The following SPEG variants were observed in gnomAD, a reference collection of about 807,000 sequenced individuals.
SPEG encodes the protein striated muscle enriched protein kinase.
SPEG carries 114 observed loss-of-function variants against 300.4 expected under a neutral mutation model. That is an observed-to-expected ratio of 0.38 (90% CI 0.33 to 0.44). SPEG has a LOEUF of 0.44. Ranked by LOEUF, SPEG falls within the 20% of genes least tolerant of loss-of-function variation. The pLI is 1.00. For missense variants in SPEG, 4,201 were observed against 4,586.2 expected (o/e 0.92, Z 2.43); for synonymous variants, 1,964 against 2,018.9 (o/e 0.97, Z 0.73).
chr2:219,455,738 G>A (rs1690128317), intron 6 of SPEG, among the ~76,000 whole-genome samples: 1 of 152,216 alleles, frequency 6.6e-6, no homozygotes, highest in African/African-American at 2.4e-5. Flanking sequence ...TCCGACTGGG[G>A]GCTTTCTCTT....
At chr2:219,474,210 T>A (rs1041080547) in intron 18 of SPEG, 1 of 233,496 alleles carries the variant, frequency 4.3e-6, no homozygotes, top group African/African-American at 2.2e-5. Flanking sequence ...AAACCCCATC[T>A]CTACTAAAAA....
chr2:219,468,403 C>T lies in SPEG; in HGVS notation c.3143-175C>T, dbSNP rs531054597. On this transcript the variant is annotated intron_variant, in intron 10 of 40. Transcript: ENST00000312358. ...TGCACCCACCCTTGCTGACCTCCACCCTCTCGAGGTCTAGTCTCTGGATCT... is the reference window on the plus strand; with the variant it reads ...TGCACCCACCCTTGCTGACCTCCACTCTCTCGAGGTCTAGTCTCTGGATCT... Among the ~76,000 whole-genome samples the T allele has an allele frequency of 1.5e-4, 23 of 152,294 alleles. 2 individuals are homozygous for T. Among genetic ancestry groups the T allele is most frequent in the African/African-American group, 5.5e-4 (23 of 41,566 alleles).
intron 6 of SPEG, 71 bp from the exon 7 acceptor site, chr2:219,461,811 G>C: frequency 1.3e-6 from 2 of 1,509,748 alleles, no homozygotes; most frequent in Non-Finnish European, 1.8e-6. Context: ...GGCTCTGGGC[G>C]ACATTCCAGC....
rs1305354646 is a variant in SPEG at position 219,493,013 on chromosome 2, C to G, written c.*227C>G. On this transcript the variant is annotated 3_prime_UTR_variant, in exon 41 of 41. Coordinates refer to ENST00000312358, the MANE Select transcript of SPEG (RefSeq NM_005876.5). ...GAGTGGGAGACCCATTGGTCAGGCT[C>G]AGCAGGGTGGGAACAGGCAGAGGGA... 1.4e-6 allele frequency: 1 copy of G among 701,716 alleles called. No homozygotes were observed. Among genetic ancestry groups the G allele is most frequent in the Non-Finnish European group, 2.6e-6 (1 of 385,634 alleles). The allele number at this position is 701,716 out of a possible 1,614,324, so 43.5% of individuals were successfully genotyped here. A position where few individuals can be genotyped will look rare whatever the true frequency, so the allele number is the denominator to read the frequency against.
intron 13 of SPEG, among the ~76,000 whole-genome samples, chr2:219,471,298 C>G (rs968941751): frequency 6.6e-6 from 1 of 152,122 alleles, no homozygotes; most frequent in Non-Finnish European, 1.5e-5. Flanking sequence ...CTCGGTGTCT[C>G]GTTCAGGGGC....
At position 219,443,044 on chromosome 2, in the gene SPEG, G is replaced by A; in HGVS notation, c.389-1609G>A. On this transcript the variant is annotated intron_variant, in intron 1 of 40. Coordinates refer to ENST00000312358, the MANE Select transcript of SPEG (RefSeq NM_005876.5). The surrounding 1 kb of genome is among the most constrained non-coding windows in gnomAD (Gnocchi z 4.6). ...TGCTTGATGTTGCAGGTCTGGATGG[G>A]AGGCACAGGGACCTTAGGAACAAGC... is the stretch of plus-strand genomic sequence containing the variant. 2.9e-6 allele frequency: 4 copies of A among 1,367,180 alleles called. No homozygotes were observed. The highest frequency in any genetic ancestry group is 1.2e-5 in the South Asian group (1 of 80,722). 84.7% of individuals were successfully genotyped at this position (1,367,180 alleles called of 1,614,324 possible).
Position 219,488,521 on chromosome 2 carries a change from C to G in SPEG, c.7882C>G (p.Pro2628Ala), listed in dbSNP as rs1463376369. ...MKDKKSLRSE[P>A]SVIIVSCKDG... Reference sequence around the variant, plus strand: ...AGACAAGAAGTCCTTGAGGTCAGAGCCCTCAGTGATCATCGTGTCCTGCAA... The same window carrying G: ...AGACAAGAAGTCCTTGAGGTCAGAGGCCTCAGTGATCATCGTGTCCTGCAA... The change falls in exon 33 of 41, where the codon CCC becomes GCC. Residue 2628 changes from proline to alanine, a missense_variant. By Grantham distance (27) the Pro-to-Ala change is conservative. Coordinates refer to ENST00000312358, the MANE Select transcript of SPEG (RefSeq NM_005876.5). 4.4e-6 allele frequency: 7 copies of G among 1,589,206 alleles called. No homozygotes were observed. Among genetic ancestry groups the G allele is most frequent in the African/African-American group, 1.3e-5 (1 of 74,124 alleles).
rs1694003828 is a variant in SPEG, at chr2:219,491,877, T to TC, written c.9461+12dup. 1 of 1,588,536 alleles carries TC rather than the reference T, an allele frequency of 6.3e-7. No individual in the cohort carries two copies. The highest frequency in any genetic ancestry group is 8.6e-7 in the Non-Finnish European group (1 of 1,163,390). On this transcript the variant is annotated intron_variant, in intron 39 of 40. Transcript: ENST00000312358. Reference sequence around the variant, plus strand: ...TGTGCTCACTTACATTATGTGAGTGTCCCCTACCCCACCGCAGCCCTCTCT... The same window carrying TC: ...TGTGCTCACTTACATTATGTGAGTGTCCCCCTACCCCACCGCAGCCCTCTCT...
At chr2:219,486,413 CGA>C (rs1311997350) in intron 31 of SPEG, among the ~76,000 whole-genome samples, 2 of 152,110 alleles carry the variant, frequency 1.3e-5, no homozygotes, top group East Asian at 3.9e-4. Flanking sequence ...GAGTGGCTGT[CGA>C]GTCTTGCCTC....
chr2:219,486,773 C>T (rs1017045924), intron 31 of SPEG, among the ~76,000 whole-genome samples: 16 of 152,114 alleles, frequency 1.1e-4, no homozygotes, highest in African/African-American at 3.6e-4. Context: ...GGGCTGGGCC[C>T]GGGTCACTTT....
At chr2:219,486,388 G>C (rs1314045295) in intron 31 of SPEG, among the ~76,000 whole-genome samples, 1 of 152,230 alleles carries the variant, frequency 6.6e-6, no homozygotes, top group Admixed American at 6.5e-5. Context: ...CCATTTCCTG[G>C]TAAAACTCAG....
rs368200977 is a variant in SPEG at position 219,468,876 on chromosome 2, A to G, written c.3319A>G (p.Ser1107Gly). Residue 1107 changes from serine (S) to glycine (G), a missense_variant, in exon 12 of 41, where the codon AGT (serine) becomes GGT (glycine). This residue lies in a region of SPEG where 1,047 missense variants were observed against 1,356.8 expected (regional missense o/e 0.77). Transcript: ENST00000312358. ...TTCTGCAGGCTGCCCCATGGAGGAG[A>G]GTGAGAACTTGCGGCTGCGGCAGGA... Reference protein sequence around the residue: ...WTHFGCPMEESENLRLRQDGG... With the variant: ...WTHFGCPMEEGENLRLRQDGG... 2.3e-5 allele frequency: 37 copies of G among 1,613,008 alleles called. No homozygotes were observed. Among genetic ancestry groups the G allele is most frequent in the Admixed American group, 5.0e-5 (3 of 59,918 alleles).
In SPEG at chr2:219,477,598, C is replaced by G. The variant is rs1692466413; in HGVS notation, c.4730-91C>G. 7.2e-7 allele frequency: 1 copy of G among 1,386,296 alleles called. No homozygotes were observed. Among genetic ancestry groups the G allele is most frequent in the Non-Finnish European group, 9.8e-7 (1 of 1,015,686 alleles). 85.9% of individuals were successfully genotyped at this position (1,386,296 alleles called of 1,614,324 possible). A position where few individuals can be genotyped will look rare whatever the true frequency, so the allele number is the denominator to read the frequency against. On this transcript the variant is annotated intron_variant, in intron 20 of 40. Coordinates refer to ENST00000312358, the MANE Select transcript of SPEG (RefSeq NM_005876.5). This position sits in a 1 kb window ranked among gnomAD's most constrained non-coding sequence, Gnocchi z 6.4. ...TTGAGCCCCCAACATTCTTGCACCT[C>G]TTCTCTCTTCTTCTTCTGTCCACCT...
chr2:219,488,909 G>A lies in SPEG; in HGVS notation c.8149+9G>A, dbSNP rs1014609619. The A allele has an allele frequency of 3.8e-6, 6 of 1,583,704 alleles. No homozygotes were observed. In the African/African-American group the frequency reaches 8.1e-5, roughly 21 times the overall value. On this transcript the variant is annotated intron_variant, in intron 34 of 40. Transcript: ENST00000312358. ...GGAGCGGCGAGTGGATGGTGAGGATGGGGCAGCTGGAGGGTTGGGGGAGCG... is the reference window on the plus strand; with the variant it reads ...GGAGCGGCGAGTGGATGGTGAGGATAGGGCAGCTGGAGGGTTGGGGGAGCG...
At position 219,467,260 on chromosome 2, in the gene SPEG, C is replaced by T; in HGVS notation, c.2968C>T (p.Leu990=). ...CGGGGAGATGGCGCTGTTTGAGTGC[C>T]TGGTGGCGGGGCCCACTGACGTGGA... ...GAGEMALFEC[L]VAGPTDVEVD... Residue 990 remains leucine (L), a synonymous_variant, in exon 10 of 41, where the codon CTG becomes TTG. Transcript: ENST00000312358. The T allele has an allele frequency of 6.2e-7, 1 of 1,608,468 alleles. No individual in the cohort carries two copies. Among genetic ancestry groups the T allele is most frequent in the Non-Finnish European group, 8.5e-7 (1 of 1,178,832 alleles).
Position 219,451,004 on chromosome 2 carries a change from C to T in SPEG, c.2114-132C>T. 1.1e-6 allele frequency: 1 copy of T among 906,296 alleles called. No homozygotes were observed. The highest frequency in any genetic ancestry group is 1.6e-6 in the Non-Finnish European group (1 of 621,504). 56.1% of individuals were successfully genotyped at this position (906,296 alleles called of 1,614,324 possible). A position where few individuals can be genotyped will look rare whatever the true frequency, so the allele number is the denominator to read the frequency against. On this transcript the variant is annotated intron_variant, in intron 4 of 40. Transcript: ENST00000312358. This position sits in a 1 kb window ranked among gnomAD's most constrained non-coding sequence, Gnocchi z 6.4. ...TTCAGGAGGCAGACCCTCTTCTCCC[C>T]AAGTCCCTGCTTTCTAGAAGCCCCT...
rs1400367112 is a variant in SPEG at position 219,477,813 on chromosome 2, G to T, written c.4826+28G>T. The T allele has an allele frequency of 1.3e-6, 2 of 1,595,702 alleles. No homozygotes were observed. The highest frequency in any genetic ancestry group is 1.7e-6 in the Non-Finnish European group (2 of 1,167,476). On this transcript the variant is annotated intron_variant, in intron 21 of 40. Transcript: ENST00000312358. The surrounding 1 kb of genome is among the most constrained non-coding windows in gnomAD (Gnocchi z 6.4). ...GTGGGGCTAGGAGGGAAGCCAGTGGGGGCCGAGAGAGGCTGCTGGGTCTGA... is the reference window on the plus strand; with the variant it reads ...GTGGGGCTAGGAGGGAAGCCAGTGGTGGCCGAGAGAGGCTGCTGGGTCTGA...
At chr2:219,468,812 G>A (rs976405666) in intron 11 of SPEG, 47 bp from the exon 12 acceptor site, 3 of 1,607,010 alleles carry the variant, frequency 1.9e-6, no homozygotes, top group Non-Finnish European at 1.7e-6. Context: ...CAGAGGGCAG[G>A]GCCCCTCACT....
chr2:219,480,366 C>G lies in SPEG; in HGVS notation c.5342+226C>G, dbSNP rs1258194017. ...CCTGTTAGTCCTTGACTCCTTGTCT[C>G]CCCTGGAAGCCGGGCCTTCCCCTCA... is the stretch of plus-strand genomic sequence containing the variant. On this transcript the variant is annotated intron_variant, in intron 25 of 40. Coordinates refer to ENST00000312358, the MANE Select transcript of SPEG (RefSeq NM_005876.5). The surrounding 1 kb of genome is among the most constrained non-coding windows in gnomAD (Gnocchi z 5.3). Among the ~76,000 whole-genome samples the G allele has an allele frequency of 6.6e-6, 1 of 152,178 alleles. No individual in the cohort carries two copies. The highest frequency in any genetic ancestry group is 2.4e-5 in the African/African-American group (1 of 41,432).
Sources: allele counts gnomAD v4.1 joint callset (sites outside exome capture counted in the v4.1 genomes callset), GRCh38; gene constraint gnomAD v4.1.1; regional missense constraint gnomAD v4.1.1; non-coding constraint Gnocchi (gnomAD v3.1); transcripts MANE v1.5; gene names NCBI Gene and HGNC (gene_info 2026-07-23, HGNC 2026-07-21).